ARAP2: variants seen among roughly 807,000 people sequenced by gnomAD.
ARAP2 encodes ArfGAP with RhoGAP domain, ankyrin repeat and PH domain 2, also known as arf-GAP with Rho-GAP domain, ANK repeat and PH domain-containing protein 2.
ARAP2 carries 148 observed loss-of-function variants against 194.5 expected under a neutral mutation model. The ratio of observed to expected loss-of-function variants is 0.76; its 90% CI spans 0.67 to 0.87. The LOEUF (loss-of-function observed/expected upper bound fraction) is 0.87. ARAP2 is among the 40% of genes least tolerant of loss of function. The probability of loss-of-function intolerance (pLI) is 0.00; values close to 1 mark genes in which losing one functional copy is unlikely to be tolerated. For missense variants in ARAP2, 2,128 were observed against 1,989.7 expected (o/e 1.07, Z -1.32); for synonymous variants, 695 against 683.5 (o/e 1.02, Z -0.26).
intron 2 of ARAP2, among the ~76,000 whole-genome samples, chr4:36,055,401 C>T (rs533557947): frequency 6.6e-5 from 10 of 152,132 alleles, no homozygotes; most frequent in East Asian, 1.9e-4. Flanking sequence ...TAAGAACCAT[C>T]GCATCTCTGG....
chr4:36,183,257 AG>A (rs947066573), intron 8 of ARAP2, among the ~76,000 whole-genome samples: 2 of 150,420 alleles, frequency 1.3e-5, no homozygotes, highest in Admixed American at 1.3e-4. Context: ...AGAAAAACTA[AG>A]GGGGGCATTC....
At chr4:36,024,337 C>T (rs952301160) in intron 5 of ARAP2, among the ~76,000 whole-genome samples, 3 of 151,918 alleles carry the variant, frequency 2.0e-5, no homozygotes, top group African/African-American at 4.8e-5. Flanking sequence ...TATGGTATAC[C>T]GAATATTTAT....
chr4:36,138,851 C>G (rs1335325680), intron 19 of ARAP2, among the ~76,000 whole-genome samples: 1 of 151,726 alleles, frequency 6.6e-6, no homozygotes, highest in Non-Finnish European at 1.5e-5. Context: ...CTTGCCAACA[C>G]TTTGCACTGC....
chr4:36,162,533 T>C (rs1734331887), intron 11 of ARAP2, among the ~76,000 whole-genome samples: 1 of 151,714 alleles, frequency 6.6e-6, no homozygotes, highest in Non-Finnish European at 1.5e-5. Context: ...CTATCCTTGA[T>C]CTTAAGGGCC....
chr4:36,164,210 G>A (rs369019018), intron 11 of ARAP2, among the ~76,000 whole-genome samples: 1 of 152,184 alleles, frequency 6.6e-6, no homozygotes, highest in South Asian at 2.1e-4. Flanking sequence ...GTGTATGTGT[G>A]TGTGTACATA....
chr4:36,057,637 C>T (rs1723743142), intron 2 of ARAP2, among the ~76,000 whole-genome samples: 1 of 151,856 alleles, frequency 6.6e-6, no homozygotes, highest in Non-Finnish European at 1.5e-5. Context: ...TGCTATAAAA[C>T]CCATTTGTTT....
intron 22 of ARAP2, among the ~76,000 whole-genome samples, chr4:36,124,093 A>C (rs369107779): frequency 1.2e-4 from 19 of 152,018 alleles, no homozygotes; most frequent in Admixed American, 5.3e-4. Context: ...TGGAGCTGAC[A>C]TAAATGAGAA....
Position 36,214,377 on chromosome 4 carries a change from T to C in ARAP2, c.964+45A>G, listed in dbSNP as rs1320430847. 6 of 1,512,222 alleles carry C rather than the reference T, an allele frequency of 4.0e-6. No individual in the cohort carries two copies. In the East Asian group the frequency reaches 7.0e-5, roughly 18 times the overall value. 93.7% of individuals were successfully genotyped at this position (1,512,222 alleles called of 1,614,324 possible). ...CATGATTTTAACACAGTTAAGACTA[T>C]CAAATGAGCTCTAATTTAAGGAGAC... On this transcript the variant is annotated intron_variant, in intron 3 of 32. Transcript: ENST00000303965.
chr4:36,180,708 T>G (rs1030263516), intron 8 of ARAP2, among the ~76,000 whole-genome samples: 4 of 152,224 alleles, frequency 2.6e-5, no homozygotes, highest in African/African-American at 7.2e-5. Context: ...TATTTCAGTT[T>G]CTCAGGAATT....
chr4:36,221,624 T>C (rs1749190822), intron 2 of ARAP2, among the ~76,000 whole-genome samples: 1 of 152,160 alleles, frequency 6.6e-6, no homozygotes, highest in South Asian at 2.1e-4. Flanking sequence ...GAAAAAAGTT[T>C]GTGATAATTT....
intron 31 of ARAP2, among the ~76,000 whole-genome samples, chr4:36,078,688 A>C (rs896496098): frequency 2.6e-5 from 4 of 152,114 alleles, no homozygotes; most frequent in African/African-American, 9.7e-5. Context: ...GTAAGAAATA[A>C]CCTTGTAGTG....
intron 2 of ARAP2, among the ~76,000 whole-genome samples, chr4:36,052,508 C>T (rs1053158836): frequency 6.6e-6 from 1 of 152,180 alleles, no homozygotes; most frequent in Non-Finnish European, 1.5e-5. Flanking sequence ...GTCCTGAATA[C>T]TTTTATTGAC....
chr4:36,186,465 C>T (rs1388707387), intron 8 of ARAP2, among the ~76,000 whole-genome samples: 1 of 152,190 alleles, frequency 6.6e-6, no homozygotes, highest in Admixed American at 6.5e-5. Context: ...ATAAAAGATG[C>T]TCCAAAATCT....
chr4:36,031,441 G>T (rs1423622944), intron 5 of ARAP2, among the ~76,000 whole-genome samples: 1 of 152,066 alleles, frequency 6.6e-6, no homozygotes, highest in South Asian at 2.1e-4. Flanking sequence ...GGAAAATAGG[G>T]TATTTCTTTT....
chr4:36,014,287 A>AG (rs1715227186), intron 8 of ARAP2, among the ~76,000 whole-genome samples: 1 of 146,480 alleles, frequency 6.8e-6, no homozygotes, highest in African/African-American at 2.6e-5. Context: ...GAAAGAAAGA[A>AG]AGAAAGAAAG....
chr4:36,126,000 A>G (rs1366180454), intron 21 of ARAP2, among the ~76,000 whole-genome samples: 1 of 151,730 alleles, frequency 6.6e-6, no homozygotes, highest in Non-Finnish European at 1.5e-5. Flanking sequence ...TAGGTAAGAA[A>G]CTCTGTATGA....
At chr4:36,166,869 A>G (rs2109806031) in intron 10 of ARAP2, 63 bp downstream of exon 10, 1 of 965,428 alleles carries the variant, frequency 1.0e-6, no homozygotes, top group South Asian at 1.9e-5. Context: ...CGAACAACAT[A>G]AAGGTGGATC....
rs1328257243 is a variant in ARAP2, at chr4:36,148,386, T to G, written c.3000+19A>C. 6.3e-7 allele frequency: 1 copy of G among 1,581,180 alleles called. No individual in the cohort carries two copies. The highest frequency in any genetic ancestry group is 8.7e-7 in the Non-Finnish European group (1 of 1,152,146). On this transcript the variant is annotated intron_variant, in intron 17 of 32. Transcript: ENST00000303965. ...ACAATCTTCTCTGGATTTAGAGCAG[T>G]AACATAATATTTAAATACCTTGGCT... is the stretch of plus-strand genomic sequence containing the variant.
intron 31 of ARAP2, among the ~76,000 whole-genome samples, chr4:36,078,519 CTGTT>C (rs1560380271): frequency 6.6e-6 from 1 of 152,106 alleles, no homozygotes; most frequent in East Asian, 1.9e-4. Flanking sequence ...TGCTATTTTG[CTGTT>C]TCCCTACAGA....
Sources: gnomAD v4.1 joint callset for allele counts (sites outside exome capture counted in the v4.1 genomes callset) on GRCh38, gnomAD v4.1.1 for gene constraint, MANE v1.5 for transcripts, NCBI Gene and HGNC (gene_info 2026-07-23, HGNC 2026-07-21) for gene names.